Variants in CGGBP1 observed in about 807,000 individuals in gnomAD.
CGGBP1 encodes CGG triplet repeat-binding protein 1.
In CGGBP1, 4 loss-of-function variants were observed where a neutral mutation model predicts 11.4. That is an observed-to-expected ratio of 0.35 (90% CI 0.17 to 0.80). CGGBP1 has a LOEUF of 0.80. Among genes scored for constraint, CGGBP1 ranks in the 30% least tolerant of loss-of-function variants. The pLI is 0.52. For synonymous variants in CGGBP1, 76 were observed against 74.1 expected (o/e 1.03, Z -0.13); for missense variants, 135 against 202.1 (o/e 0.67, Z 2.01).
chr3:88,124,704 CAG>C (rs994975786), intron 2 of CGGBP1, among the ~76,000 whole-genome samples: 2 of 151,074 alleles, frequency 1.3e-5, no homozygotes, highest in Admixed American at 6.6e-5. Context: ...TTTTTAATAT[CAG>C]AGATTTTGTG....
intron 2 of CGGBP1, among the ~76,000 whole-genome samples, chr3:88,075,595 C>T (rs4241550): frequency 0.94 from 143,035 of 152,238 alleles, 67,730 homozygotes; most frequent in Non-Finnish European, 1. Flanking sequence ...TTAATTATTC[C>T]AGGCCTTGCA....
intron 2 of CGGBP1, among the ~76,000 whole-genome samples, chr3:88,133,908 AGGAAT>A (rs1706611793): frequency 6.6e-6 from 1 of 152,138 alleles, no homozygotes; most frequent in South Asian, 2.1e-4. Flanking sequence ...ACCAGAATAG[AGGAAT>A]GTTTAGTGTC....
At chr3:88,078,366 C>T (rs1576219765) in intron 2 of CGGBP1, among the ~76,000 whole-genome samples, 1 of 152,062 alleles carries the variant, frequency 6.6e-6, no homozygotes, top group Non-Finnish European at 1.5e-5. Context: ...TGTGGTTAAA[C>T]GTATTAAAGC....
At chr3:88,086,524 A>T in intron 2 of CGGBP1, 8 of 900,230 alleles carry the variant, frequency 8.9e-6, no homozygotes, top group Non-Finnish European at 1.2e-5. Context: ...AGAAATGTTT[A>T]TTTTTTTCAC....
At chr3:88,145,394 T>C (rs189206567) in intron 1 of CGGBP1, among the ~76,000 whole-genome samples, 47 of 152,284 alleles carry the variant, frequency 3.1e-4, no homozygotes, top group Admixed American at 2.0e-3. Flanking sequence ...GAGAGTGTTA[T>C]TGAAACATTC....
At chr3:88,144,951 T>C (rs930042501) in intron 1 of CGGBP1, among the ~76,000 whole-genome samples, 7 of 152,006 alleles carry the variant, frequency 4.6e-5, no homozygotes, top group African/African-American at 1.4e-4. Flanking sequence ...GGGTTCAGTG[T>C]GATATAGTAC....
intron 2 of CGGBP1, among the ~76,000 whole-genome samples, chr3:88,112,201 A>G (rs1171122584): frequency 6.6e-6 from 1 of 151,832 alleles, no homozygotes; most frequent in African/African-American, 2.4e-5. Context: ...TTTAGGTCTT[A>G]TATAATTTTA....
upstream of CGGBP1, among the ~76,000 whole-genome samples, chr3:88,060,527 G>C (rs1161710364): frequency 6.6e-6 from 1 of 152,048 alleles, no homozygotes; most frequent in Non-Finnish European, 1.5e-5. Flanking sequence ...TTTAAAATGC[G>C]TCCATTAATT....
At chr3:88,109,376 A>C (rs1683207740) in intron 2 of CGGBP1, among the ~76,000 whole-genome samples, 1 of 152,160 alleles carries the variant, frequency 6.6e-6, no homozygotes, top group African/African-American at 2.4e-5. Flanking sequence ...AAGAGTTCTT[A>C]AAAGTTGAGT....
In CGGBP1 at chr3:88,083,114, A is replaced by C. The variant is rs183361519; in HGVS notation, c.-228-24891T>G. On this transcript the variant is annotated intron_variant, in intron 2 of 3. Coordinates refer to the CGGBP1 transcript ENST00000462901. ...TCACCACCAATCCTACTGGAATAGG[A>C]CTTCACCTTTATGACCTCATTTAAA... Among the ~76,000 whole-genome samples, 291 of 151,320 alleles carry C rather than the reference A, an allele frequency of 1.9e-3. 1 individual carries two copies. Among genetic ancestry groups the C allele is most frequent in the African/African-American group, 6.8e-3 (281 of 41,164 alleles).
chr3:88,065,436 C>A (rs953772202), intron 2 of CGGBP1, among the ~76,000 whole-genome samples: 4 of 152,012 alleles, frequency 2.6e-5, no homozygotes, highest in Non-Finnish European at 4.4e-5. Context: ...AATCCTATGT[C>A]CCTTTTCCCT....
intron 2 of CGGBP1, among the ~76,000 whole-genome samples, chr3:88,065,552 G>C (rs1156569082): frequency 1.3e-5 from 2 of 152,040 alleles, no homozygotes; most frequent in East Asian, 3.8e-4. Flanking sequence ...TAAATAAAAA[G>C]ACTGAAATAT....
At chr3:88,083,183 C>G (rs543715962) in intron 2 of CGGBP1, among the ~76,000 whole-genome samples, 5 of 152,054 alleles carry the variant, frequency 3.3e-5, no homozygotes, top group African/African-American at 1.2e-4. Context: ...ACAGTCCCAT[C>G]GGGGGGTTAG....
At chr3:88,110,327 A>G (rs776013687) in intron 2 of CGGBP1, among the ~76,000 whole-genome samples, 51 of 152,120 alleles carry the variant, frequency 3.4e-4, no homozygotes, top group Non-Finnish European at 4.4e-5. Flanking sequence ...CTGTCTGCCT[A>G]TAATAGGTCT....
At chr3:88,147,912 G>A (rs909346860) in intron 1 of CGGBP1, among the ~76,000 whole-genome samples, 1 of 152,144 alleles carries the variant, frequency 6.6e-6, no homozygotes, top group Non-Finnish European at 1.5e-5. Flanking sequence ...CAATCCCCTC[G>A]ACAAAAGATT....
chr3:88,104,303 A>G lies in CGGBP1; in HGVS notation c.-229+36667T>C, dbSNP rs74890625. On this transcript the variant is annotated intron_variant, in intron 2 of 3. Coordinates refer to the CGGBP1 transcript ENST00000462901. ...TTATTTTTAAACACTGTAAAACATA[A>G]CTGATCATCTAAAGCAGGGGTTGAC... Among the ~76,000 whole-genome samples, 58 of 152,356 alleles carry G rather than the reference A, an allele frequency of 3.8e-4. No individual in the cohort carries two copies. In the East Asian group the frequency reaches 0.01, roughly 27 times the overall value.
chr3:88,101,469 A>G (rs559094633), intron 2 of CGGBP1, among the ~76,000 whole-genome samples: 7 of 152,288 alleles, frequency 4.6e-5, no homozygotes, highest in Non-Finnish European at 2.9e-5. Flanking sequence ...TTAAATGACT[A>G]TTTTTCACTT....
intron 2 of CGGBP1, among the ~76,000 whole-genome samples, chr3:88,078,625 A>C (rs1162705937): frequency 6.6e-6 from 1 of 152,148 alleles, no homozygotes; most frequent in East Asian, 1.9e-4. Flanking sequence ...GGAGCTCTTC[A>C]TCTCTAGCCA....
chr3:88,088,114 AT>A (rs1481527779), intron 2 of CGGBP1, among the ~76,000 whole-genome samples: 3 of 152,230 alleles, frequency 2.0e-5, no homozygotes, highest in African/African-American at 7.2e-5. Context: ...TATAAATTAA[AT>A]AACCTTGGAG....
Sources: gnomAD v4.1 joint callset for allele counts (sites outside exome capture counted in the v4.1 genomes callset) on GRCh38, gnomAD v4.1.1 for gene constraint, MANE v1.5 for transcripts, NCBI Gene and HGNC (gene_info 2026-07-23, HGNC 2026-07-21) for gene names.